The following PPTC7 variants were observed in gnomAD, a reference collection of about 807,000 sequenced individuals.
PPTC7 encodes the protein protein phosphatase targeting COQ7.
A neutral mutation model predicts 30.8 loss-of-function variants in PPTC7; 6 were observed. The observed-to-expected ratio is 0.19, with a 90% CI of 0.11 to 0.38. The LOEUF (loss-of-function observed/expected upper bound fraction) is 0.38, where lower values mean the gene tolerates loss of function less well. Among genes scored for constraint, PPTC7 ranks in the 10% least tolerant of loss-of-function variants. The probability of loss-of-function intolerance (pLI) is 1.00; values close to 1 mark genes in which losing one functional copy is unlikely to be tolerated. For synonymous variants in PPTC7, 163 were observed against 168.1 expected (o/e 0.97, Z 0.23); for missense variants, 218 against 404.8 (o/e 0.54, Z 3.96).
In PPTC7 at chr12:110,582,823, G is replaced by A; in HGVS notation, c.209C>T (p.Ser70Phe). ...DDACFVARHRSADVLGVADGV... is the reference protein window; with the variant it reads ...DDACFVARHRFADVLGVADGV... ...CGGGGACTCACCGAGCACGTCCGCG[G>A]AACGGTGCCGGGCCACGAAGCACGC... Residue 70 changes from serine (S) to phenylalanine (F), a missense_variant, in exon 1 of 6, where the codon TCC (serine) becomes TTC (phenylalanine). Coordinates refer to ENST00000354300, the MANE Select transcript of PPTC7 (RefSeq NM_139283.2). 6.4e-7 allele frequency: 1 copy of A among 1,561,374 alleles called. No individual in the cohort carries two copies. Among genetic ancestry groups the A allele is most frequent in the Non-Finnish European group, 8.7e-7 (1 of 1,153,302 alleles).
chr12:110,566,600 T>C (rs1565925259), intron 1 of PPTC7, among the ~76,000 whole-genome samples: 2 of 152,296 alleles, frequency 1.3e-5, no homozygotes, highest in East Asian at 1.9e-4. Context: ...GTTAGAGTTA[T>C]GCCTATCTCT....
intron 1 of PPTC7, among the ~76,000 whole-genome samples, chr12:110,575,189 AAAAAGAGATC>A (rs2064578396): frequency 1.3e-5 from 2 of 152,154 alleles, no homozygotes. Context: ...ATCACTTCTT[AAAAAGAGATC>A]AAAAGTTAAC....
At chr12:110,569,201 C>CAT in intron 1 of PPTC7, among the ~76,000 whole-genome samples, 1 of 151,986 alleles carries the variant, frequency 6.6e-6, no homozygotes. Flanking sequence ...GGCATGGTGG[C>CAT]GGGCACCTGT....
intron 1 of PPTC7, among the ~76,000 whole-genome samples, chr12:110,567,022 G>A (rs1328993268): frequency 2.6e-5 from 4 of 152,100 alleles, no homozygotes; most frequent in Admixed American, 2.6e-4. Flanking sequence ...ATTTTACATG[G>A]GAAATCCTAA....
chr12:110,572,134 C>T (rs543315378), intron 1 of PPTC7, among the ~76,000 whole-genome samples: 1 of 152,126 alleles, frequency 6.6e-6, no homozygotes, highest in Non-Finnish European at 1.5e-5. Context: ...TGCTAGATAA[C>T]AGCATCCTTG....
chr12:110,536,716 T>G lies in PPTC7; in HGVS notation c.*321A>C, dbSNP rs1353800737. 6.8e-6 allele frequency: 2 copies of G among 292,962 alleles called. No individual in the cohort carries two copies. Among genetic ancestry groups the G allele is most frequent in the Non-Finnish European group, 1.3e-5 (2 of 159,188 alleles). 18.1% of individuals were successfully genotyped at this position (292,962 alleles called of 1,614,324 possible). A position where few individuals can be genotyped will look rare whatever the true frequency, so the allele number is the denominator to read the frequency against. On this transcript the variant is annotated 3_prime_UTR_variant, in exon 6 of 6. Coordinates refer to ENST00000354300, the MANE Select transcript of PPTC7 (RefSeq NM_139283.2). ...ATTCACTTTACCAACATTACTCATT[T>G]TCAATACTTCAACTACTTTGAAAAG...
At chr12:110,546,256 T>A in intron 2 of PPTC7, 178 bp from the exon 3 acceptor site, 1 of 600,692 alleles carries the variant, frequency 1.7e-6, no homozygotes, top group Non-Finnish European at 3.0e-6. Flanking sequence ...TGATCAGGGT[T>A]AACACGGTGG....
At chr12:110,570,384 T>C in intron 1 of PPTC7, among the ~76,000 whole-genome samples, 1 of 44,732 alleles carries the variant, frequency 2.2e-5, no homozygotes. Flanking sequence ...CCAAGGTTTC[T>C]CCCCATGTGA....
chr12:110,544,505 T>G (rs932288026), intron 3 of PPTC7, among the ~76,000 whole-genome samples: 2 of 152,220 alleles, frequency 1.3e-5, no homozygotes, highest in African/African-American at 4.8e-5. Flanking sequence ...TGGACACTCA[T>G]CTAAGAAAAG....
intron 1 of PPTC7, among the ~76,000 whole-genome samples, chr12:110,563,828 C>T (rs1056921456): frequency 2.0e-5 from 3 of 152,182 alleles, no homozygotes; most frequent in Non-Finnish European, 4.4e-5. Flanking sequence ...ACTTCATTAA[C>T]TAGAGAAGAT....
At chr12:110,577,553 T>C (rs2064600188) in intron 1 of PPTC7, among the ~76,000 whole-genome samples, 1 of 152,192 alleles carries the variant, frequency 6.6e-6, no homozygotes, top group African/African-American at 2.4e-5. Flanking sequence ...ACTTCCTAAA[T>C]ATAATTTAGA....
At chr12:110,538,120 A>AT (rs755739435) in intron 5 of PPTC7, 24 bp downstream of exon 5, 1 of 1,612,410 alleles carries the variant, frequency 6.2e-7, no homozygotes, top group Non-Finnish European at 8.5e-7. Context: ...GTCAGTCCCT[A>AT]TGACCTTCCC....
chr12:110,562,154 G>C (rs528351731), intron 1 of PPTC7, among the ~76,000 whole-genome samples: 1 of 151,610 alleles, frequency 6.6e-6, no homozygotes, highest in Non-Finnish European at 1.5e-5. Context: ...GCCTGGTGGC[G>C]CATGCCTGTA....
At position 110,539,959 on chromosome 12, in the gene PPTC7, A is replaced by AG; in HGVS notation, c.603-15dup. ...GCAGCATCCGGACTGTGGCAAGGAC[A>AG]GGGGAGGGACAAAGTTAAGAAGGCC... is the stretch of plus-strand genomic sequence containing the variant. On this transcript the variant is annotated splice_polypyrimidine_tract_variant and intron_variant, in intron 3 of 5. Coordinates refer to ENST00000354300, the MANE Select transcript of PPTC7 (RefSeq NM_139283.2). The AG allele has an allele frequency of 6.2e-7, 1 of 1,612,340 alleles. No individual in the cohort carries two copies. Among genetic ancestry groups the AG allele is most frequent in the Non-Finnish European group, 8.5e-7 (1 of 1,179,186 alleles).
chr12:110,560,584 C>T (rs1245174479), intron 1 of PPTC7, among the ~76,000 whole-genome samples: 3 of 152,140 alleles, frequency 2.0e-5, no homozygotes, highest in African/African-American at 7.2e-5. Context: ...CAGCCATCAA[C>T]ATGATGTTGC....
rs2064223083 is a variant in PPTC7, at chr12:110,537,008, G to A, written c.*29C>T. The A allele has an allele frequency of 6.3e-7, 1 of 1,581,998 alleles. No individual in the cohort carries two copies. The highest frequency in any genetic ancestry group is 2.2e-5 in the East Asian group (1 of 44,714). On this transcript the variant is annotated 3_prime_UTR_variant, in exon 6 of 6. Transcript: ENST00000354300. Reference sequence around the variant, plus strand: ...CATGGCAGGGGAAATTTGGGATGATGAAAGGAAAGGCAGGACTTGACACCT... The same window carrying A: ...CATGGCAGGGGAAATTTGGGATGATAAAAGGAAAGGCAGGACTTGACACCT...
chr12:110,536,947 G>T lies in PPTC7; in HGVS notation c.*90C>A. 1.1e-6 allele frequency: 1 copy of T among 948,652 alleles called. No homozygotes were observed. The highest frequency in any genetic ancestry group is 1.7e-6 in the Non-Finnish European group (1 of 585,478). The allele number at this position is 948,652 out of a possible 1,614,324, so 58.8% of individuals were successfully genotyped here. Reference sequence around the variant, plus strand: ...ACATCACTGGCCATTGAGATCAGTGGCAAAGAAATGTGGTCCTGCCAGCAG... The same window carrying T: ...ACATCACTGGCCATTGAGATCAGTGTCAAAGAAATGTGGTCCTGCCAGCAG... On this transcript the variant is annotated 3_prime_UTR_variant, in exon 6 of 6. Transcript: ENST00000354300.
chr12:110,565,961 G>T (rs2064479576), intron 1 of PPTC7, among the ~76,000 whole-genome samples: 1 of 152,238 alleles, frequency 6.6e-6, no homozygotes, highest in Non-Finnish European at 1.5e-5. Flanking sequence ...AAAATGAGTT[G>T]TAGGAGAGGA....
At position 110,537,109 on chromosome 12, in the gene PPTC7, G is replaced by A. The variant is rs374428205; in HGVS notation, c.857-14C>T. 13 of 1,588,084 alleles carry A rather than the reference G, an allele frequency of 8.2e-6. No individual in the cohort carries two copies. The highest frequency in any genetic ancestry group is 1.7e-5 in the Admixed American group (1 of 59,952). On this transcript the variant is annotated splice_polypyrimidine_tract_variant and intron_variant, in intron 5 of 5. Coordinates refer to ENST00000354300, the MANE Select transcript of PPTC7 (RefSeq NM_139283.2). ...CTGGCTTTCCACCTACAATGAAAATGAGAACCTATCAGTATATTTTAAAAG... is the reference window on the plus strand; with the variant it reads ...CTGGCTTTCCACCTACAATGAAAATAAGAACCTATCAGTATATTTTAAAAG...
Sources: allele counts gnomAD v4.1 joint callset (sites outside exome capture counted in the v4.1 genomes callset), GRCh38; gene constraint gnomAD v4.1.1; transcripts MANE v1.5; gene names NCBI Gene and HGNC (gene_info 2026-07-23, HGNC 2026-07-21).